The following SORCS1 variants were observed in gnomAD, a reference collection of about 807,000 sequenced individuals.
SORCS1 encodes the protein VPS10 domain-containing receptor SorCS1.
Under a neutral mutation model 146.1 loss-of-function variants are expected in SORCS1, and 60 were observed. That is an observed-to-expected ratio of 0.41 (90% CI 0.33 to 0.51). The LOEUF (loss-of-function observed/expected upper bound fraction) is 0.51, where lower values mean the gene tolerates loss of function less well. Among genes scored for constraint, SORCS1 ranks in the 20% least tolerant of loss-of-function variants. The pLI, the probability that SORCS1 is intolerant of heterozygous loss-of-function variation, is 0.21. For synonymous variants in SORCS1, 637 were observed against 584.0 expected, an observed-to-expected ratio of 1.09 and a Z score of -1.31; for missense variants, 1,352 against 1,487.6, an observed-to-expected ratio of 0.91 and a Z score of 1.50.
chr10:106,626,731 A>G (rs1848137154), intron 19 of SORCS1, among the ~76,000 whole-genome samples: 1 of 152,234 alleles, frequency 6.6e-6, no homozygotes, highest in Admixed American at 6.5e-5. Flanking sequence ...CTGGATCTTT[A>G]GGAGGGAGGC....
intron 3 of SORCS1, among the ~76,000 whole-genome samples, chr10:106,815,053 G>T (rs1947667958): frequency 2.0e-5 from 3 of 151,802 alleles, no homozygotes; most frequent in African/African-American, 7.3e-5. Context: ...TCCACCTCCT[G>T]GCTTCACGCC....
At chr10:107,016,397 G>A (rs560382905) in intron 1 of SORCS1, among the ~76,000 whole-genome samples, 49 of 152,162 alleles carry the variant, frequency 3.2e-4, no homozygotes, top group Non-Finnish European at 5.3e-4. Flanking sequence ...CCAACTATTC[G>A]GGGATGCTGA....
intron 5 of SORCS1, among the ~76,000 whole-genome samples, chr10:106,743,916 CT>C (rs1349693222): frequency 6.6e-6 from 1 of 152,106 alleles, no homozygotes; most frequent in African/African-American, 2.4e-5. Flanking sequence ...TCCTTCAGTA[CT>C]TTTTCAGTGT....
chr10:106,863,834 G>C (rs1950120815), intron 2 of SORCS1, among the ~76,000 whole-genome samples: 1 of 150,622 alleles, frequency 6.6e-6, no homozygotes, highest in Admixed American at 6.6e-5. Flanking sequence ...AAAAAGCAAA[G>C]TAATACAGGA....
intron 12 of SORCS1, among the ~76,000 whole-genome samples, chr10:106,678,088 G>T (rs372945409): frequency 2.6e-5 from 4 of 152,276 alleles, no homozygotes; most frequent in African/African-American, 9.6e-5. Context: ...GATCCTTTCT[G>T]TATAAGATGC....
At chr10:106,603,556 C>T (rs1846382041) in intron 23 of SORCS1, among the ~76,000 whole-genome samples, 1 of 152,140 alleles carries the variant, frequency 6.6e-6, no homozygotes, top group East Asian at 1.9e-4. Flanking sequence ...TTGCTGGGGC[C>T]CTGCCCTCCC....
chr10:106,860,472 C>T (rs979213085), intron 2 of SORCS1, among the ~76,000 whole-genome samples: 1 of 152,214 alleles, frequency 6.6e-6, no homozygotes, highest in Non-Finnish European at 1.5e-5. Flanking sequence ...ACACACTGGG[C>T]TAAGCACTTC....
At chr10:106,645,034 G>C (rs1217674553) in intron 18 of SORCS1, among the ~76,000 whole-genome samples, 1 of 152,106 alleles carries the variant, frequency 6.6e-6, no homozygotes, top group African/African-American at 2.4e-5. Flanking sequence ...AGCTAGAGCA[G>C]TTAATGTCAA....
At chr10:107,031,889 C>T (rs1355033206) in intron 1 of SORCS1, among the ~76,000 whole-genome samples, 1 of 152,200 alleles carries the variant, frequency 6.6e-6, no homozygotes, top group Non-Finnish European at 1.5e-5. Flanking sequence ...CTTTTCTTCA[C>T]TAGGACCCTG....
At chr10:107,104,525 G>A (rs1267740346) in intron 1 of SORCS1, among the ~76,000 whole-genome samples, 6 of 152,108 alleles carry the variant, frequency 3.9e-5, no homozygotes, top group South Asian at 2.1e-4. Context: ...CTGTACACAC[G>A]TGGACTGAGA....
intron 6 of SORCS1, among the ~76,000 whole-genome samples, chr10:106,726,976 C>T (rs1250518749): frequency 6.6e-6 from 1 of 151,870 alleles, no homozygotes; most frequent in Non-Finnish European, 1.5e-5. Context: ...GTCCCAGCTA[C>T]TCAGGAGGCT....
intron 5 of SORCS1, among the ~76,000 whole-genome samples, chr10:106,734,222 AT>A (rs1165766843): frequency 6.6e-6 from 1 of 152,116 alleles, no homozygotes; most frequent in Non-Finnish European, 1.5e-5. Flanking sequence ...CTTGAAGTGA[AT>A]TTTATGGAAG....
chr10:107,158,149 CAAT>C (rs1261777087), intron 1 of SORCS1, among the ~76,000 whole-genome samples: 1 of 152,122 alleles, frequency 6.6e-6, no homozygotes, highest in Non-Finnish European at 1.5e-5. Context: ...AAAAATGAAA[CAAT>C]GATGACTCCA....
Position 106,924,728 on chromosome 10 carries a change from CT to C in SORCS1, c.626+31784del, listed in dbSNP as rs71025565. Among the ~76,000 whole-genome samples the C allele has an allele frequency of 1.6e-3, 226 of 138,818 alleles. 2 individuals are homozygous for C. The highest frequency in any genetic ancestry group is 5.2e-3 in the African/African-American group (189 of 36,516). 91.1% of individuals were successfully genotyped at this position (138,818 alleles called of 152,430 possible). On this transcript the variant is annotated intron_variant, in intron 2 of 25. Transcript: ENST00000263054. ...AACAGATGAACAGGGATTCCCAAGT[CT>C]TTTTTTTTTTCAATTTTTACATTTA...
intron 1 of SORCS1, among the ~76,000 whole-genome samples, chr10:107,113,718 A>C (rs1041094916): frequency 6.6e-6 from 1 of 151,468 alleles, no homozygotes; most frequent in African/African-American, 2.4e-5. Flanking sequence ...AGGAAAAGAA[A>C]GAACTGAAAC....
chr10:106,975,768 T>C (rs1209007336), intron 1 of SORCS1, among the ~76,000 whole-genome samples: 2 of 152,230 alleles, frequency 1.3e-5, no homozygotes, highest in East Asian at 1.9e-4. Context: ...TCTGCAATCC[T>C]GTAATACTGA....
intron 17 of SORCS1, among the ~76,000 whole-genome samples, chr10:106,662,619 T>C (rs1029610939): frequency 4.6e-5 from 7 of 152,176 alleles, no homozygotes; most frequent in African/African-American, 1.7e-4. Context: ...TGGCTTAAAA[T>C]GGCACTGGAC....
At chr10:107,159,443 A>T (rs949095558) in intron 1 of SORCS1, among the ~76,000 whole-genome samples, 2 of 152,234 alleles carry the variant, frequency 1.3e-5, no homozygotes, top group African/African-American at 4.8e-5. Flanking sequence ...TTTTGTATAC[A>T]GCCAGTATTA....
chr10:106,874,431 A>G (rs1463211652), intron 2 of SORCS1, among the ~76,000 whole-genome samples: 1 of 152,228 alleles, frequency 6.6e-6, no homozygotes, highest in Non-Finnish European at 1.5e-5. Flanking sequence ...AGGACAATAT[A>G]TGACAGACAC....
Sources: gnomAD v4.1 joint callset for allele counts (sites outside exome capture counted in the v4.1 genomes callset) on GRCh38, gnomAD v4.1.1 for gene constraint, MANE v1.5 for transcripts, NCBI Gene and HGNC (gene_info 2026-07-23, HGNC 2026-07-21) for gene names.